AGBL3: variants seen among roughly 807,000 people sequenced by gnomAD.
AGBL3 encodes the protein cytosolic carboxypeptidase 3.
AGBL3 carries 68 observed loss-of-function variants against 94.5 expected under a neutral mutation model. The ratio of observed to expected loss-of-function variants is 0.72; its 90% CI spans 0.59 to 0.88. The LOEUF (loss-of-function observed/expected upper bound fraction) is 0.88. Among genes scored for constraint, AGBL3 ranks in the 40% least tolerant of loss-of-function variants. AGBL3 has a pLI of 0.00. For synonymous variants in AGBL3, 354 were observed against 370.7 expected (o/e 0.95, Z 0.52); for missense variants, 934 against 1,103.8 (o/e 0.85, Z 2.18).
At chr7:135,021,220 A>G (rs1814403355) in intron 5 of AGBL3, among the ~76,000 whole-genome samples, 1 of 152,070 alleles carries the variant, frequency 6.6e-6, no homozygotes, top group East Asian at 1.9e-4. Context: ...AGCTTTATCC[A>G]TGGCAATCTA....
intron 15 of AGBL3, among the ~76,000 whole-genome samples, chr7:135,110,167 T>C (rs1309095813): frequency 2.6e-5 from 4 of 152,082 alleles, no homozygotes; most frequent in African/African-American, 7.2e-5. Context: ...TCCAAGCCAG[T>C]CCCTCTGGGA....
At chr7:135,001,362 A>G (rs1161689140) in intron 4 of AGBL3, among the ~76,000 whole-genome samples, 11 of 152,100 alleles carry the variant, frequency 7.2e-5, no homozygotes. Context: ...CATGTCCCCA[A>G]ACAAGGATCA....
At chr7:135,129,742 G>C (rs956496476) in intron 16 of AGBL3, 1 of 706,328 alleles carries the variant, frequency 1.4e-6, no homozygotes, top group Non-Finnish European at 2.7e-6. Flanking sequence ...CTAATCTTTT[G>C]TCAAGTACAC....
chr7:135,057,012 G>A (rs1193255705), intron 11 of AGBL3, among the ~76,000 whole-genome samples: 2 of 152,076 alleles, frequency 1.3e-5, no homozygotes, highest in Admixed American at 6.6e-5. Context: ...TTAAAACAGT[G>A]CAGTACTAGA....
Position 135,081,789 on chromosome 7 carries a change from G to C in AGBL3, c.2109G>C (p.Leu703Phe). ...YFRRQLPNQG[L>F]DLHHNLKSKI... ...GAAGACAATTACCTAATCAAGGTTTGGGTGAGTAAAATAGGAACACAGACA... is the reference window on the plus strand; with the variant it reads ...GAAGACAATTACCTAATCAAGGTTTCGGTGAGTAAAATAGGAACACAGACA... The change falls in exon 15 of 17, where the codon TTG becomes TTC. Residue 703 changes from leucine to phenylalanine, a missense_variant and splice_region_variant. This residue lies in a region of AGBL3 where 441 missense variants were observed against 518.2 expected (regional missense o/e 0.85). Coordinates refer to ENST00000436302, the MANE Select transcript of AGBL3 (RefSeq NM_178563.4). The C allele has an allele frequency of 6.5e-7, 1 of 1,529,192 alleles. No homozygotes were observed. Among genetic ancestry groups the C allele is most frequent in the Non-Finnish European group, 8.8e-7 (1 of 1,130,848 alleles). 94.7% of individuals were successfully genotyped at this position (1,529,192 alleles called of 1,614,324 possible). A position where few individuals can be genotyped will look rare whatever the true frequency, so the allele number is the denominator to read the frequency against.
At chr7:135,133,805 A>G (rs531100587) in intron 16 of AGBL3, among the ~76,000 whole-genome samples, 1 of 152,196 alleles carries the variant, frequency 6.6e-6, no homozygotes, top group Admixed American at 6.5e-5. Context: ...TATAAGAGCC[A>G]TAAACTGGAA....
In AGBL3 at chr7:135,101,278, G is replaced by A. The variant is rs187563023; in HGVS notation, c.2111-14102G>A. 8.5e-4 allele frequency: 387 copies of A among 455,434 alleles called. 1 individual carries two copies. Among genetic ancestry groups the A allele is most frequent in the African/African-American group, 6.7e-3 (338 of 50,124 alleles). The allele number at this position is 455,434 out of a possible 1,614,324, so 28.2% of individuals were successfully genotyped here. A position where few individuals can be genotyped will look rare whatever the true frequency, so the allele number is the denominator to read the frequency against. On this transcript the variant is annotated intron_variant, in intron 15 of 16. Transcript: ENST00000436302. ...GAGAAGACAAGGATACCAACAGAAG[G>A]TTGTTACTTGTTTTTATTGTTTAAG...
At chr7:135,051,493 A>T (rs1817871119) in intron 11 of AGBL3, among the ~76,000 whole-genome samples, 1 of 152,062 alleles carries the variant, frequency 6.6e-6, no homozygotes, top group Non-Finnish European at 1.5e-5. Context: ...CATTTCCTGC[A>T]CCAGAACTGG....
At chr7:135,051,962 G>T (rs946901814) in intron 11 of AGBL3, among the ~76,000 whole-genome samples, 17 of 150,086 alleles carry the variant, frequency 1.1e-4, no homozygotes, top group African/African-American at 3.7e-4. Context: ...AAGTGTCTTT[G>T]TTTTTGATTA....
intron 11 of AGBL3, among the ~76,000 whole-genome samples, chr7:135,054,646 A>C (rs1818176334): frequency 6.6e-6 from 1 of 152,218 alleles, no homozygotes. Context: ...TTTCTTAGCC[A>C]AAAAAGGAAA....
chr7:135,063,100 T>C (rs771475235), intron 12 of AGBL3, among the ~76,000 whole-genome samples: 29 of 152,264 alleles, frequency 1.9e-4, no homozygotes, highest in Non-Finnish European at 4.0e-4. Context: ...AGGTTATATG[T>C]AGCAAGGAAT....
Position 134,993,557 on chromosome 7 carries a change from G to A in AGBL3, c.189G>A (p.Gly63=), listed in dbSNP as rs941415156. Residue 63 remains glycine (G), a synonymous_variant, in exon 4 of 17, where the codon GGG becomes GGA. Coordinates refer to ENST00000436302, the MANE Select transcript of AGBL3 (RefSeq NM_178563.4). ...AGATACTATTAGAATATCAGCTAGG[G>A]AGATGGGTGCCACGTCTTCGTGAAC... ...TTQILLEYQL[G]RWVPRLREPR... is the part of the protein sequence containing the mutation. The A allele has an allele frequency of 6.4e-6, 10 of 1,551,688 alleles. No homozygotes were observed. The African/African-American group carries it at 1.4e-4, about 21-fold the overall frequency.
chr7:135,038,958 C>CAA (rs34474456), intron 8 of AGBL3, among the ~76,000 whole-genome samples: 8 of 129,116 alleles, frequency 6.2e-5, no homozygotes, highest in African/African-American at 1.8e-4. Context: ...GACTTTGTCT[C>CAA]AAAAAAAAAA....
intron 4 of AGBL3, among the ~76,000 whole-genome samples, chr7:135,015,821 T>A (rs1431403298): frequency 7.2e-6 from 1 of 139,110 alleles, no homozygotes; most frequent in Non-Finnish European, 1.5e-5. Flanking sequence ...AAGACCATCC[T>A]GGCTAACACG....
intron 15 of AGBL3, among the ~76,000 whole-genome samples, chr7:135,107,276 T>A (rs1278587841): frequency 6.6e-6 from 1 of 152,234 alleles, no homozygotes; most frequent in Non-Finnish European, 1.5e-5. Context: ...GGTTTGCTCC[T>A]GCTTCTCTAG....
intron 4 of AGBL3, among the ~76,000 whole-genome samples, chr7:135,015,875 A>AG (rs1813728492): frequency 6.7e-6 from 1 of 148,590 alleles, no homozygotes; most frequent in Non-Finnish European, 1.5e-5. Flanking sequence ...AAGAAAAAAA[A>AG]AAAAAATTAG....
chr7:134,992,729 G>C (rs1219656479), intron 3 of AGBL3, among the ~76,000 whole-genome samples: 4 of 152,224 alleles, frequency 2.6e-5, no homozygotes, highest in Non-Finnish European at 5.9e-5. Context: ...GTGGTAAAAG[G>C]GAAGGAATCC....
chr7:135,086,017 G>A (rs149139122), intron 15 of AGBL3, among the ~76,000 whole-genome samples: 1,807 of 151,986 alleles, frequency 0.012, 41 homozygotes, highest in African/African-American at 0.04. Context: ...TTTTTCATCA[G>A]TGTTGTATAG....
intron 16 of AGBL3, chr7:135,129,203 A>G (rs554522112): frequency 1.2e-4 from 165 of 1,431,108 alleles, no homozygotes; most frequent in Non-Finnish European, 1.6e-4. Flanking sequence ...GCCCCCACGC[A>G]TGCTGCCAGC....
Sources: allele counts gnomAD v4.1 joint callset (sites outside exome capture counted in the v4.1 genomes callset), GRCh38; gene constraint gnomAD v4.1.1; regional missense constraint gnomAD v4.1.1; transcripts MANE v1.5; gene names NCBI Gene and HGNC (gene_info 2026-07-23, HGNC 2026-07-21).